The following PEX1 variants were observed in gnomAD, a reference collection of about 807,000 sequenced individuals.
PEX1 encodes peroxisomal ATPase PEX1.
Under a neutral mutation model 152.5 loss-of-function variants are expected in PEX1, and 97 were observed. The ratio of observed to expected loss-of-function variants is 0.64; its 90% CI spans 0.54 to 0.75. The LOEUF is 0.75. PEX1 is among the 30% of genes least tolerant of loss of function. PEX1 has a pLI of 0.00. For synonymous variants in PEX1, 485 were observed against 531.6 expected (o/e 0.91, Z 1.21); for missense variants, 1,357 against 1,516.3 (o/e 0.89, Z 1.74).
At position 92,517,567 on chromosome 7, in the gene PEX1, T is replaced by C. The variant is rs780966702; in HGVS notation, c.948A>G (p.Pro316=). 7.4e-6 allele frequency: 12 copies of C among 1,614,066 alleles called. No homozygotes were observed. The highest frequency in any genetic ancestry group is 1.1e-5 in the South Asian group (1 of 91,074). ...CTACATCAAAATATTCCTGGTCCCA[T>C]GGAAATACATGAATGGCACAGTGTT... is the stretch of plus-strand genomic sequence containing the variant. ...FHKHCAIHVF[P]WDQEYFDVEP... The change falls in exon 5 of 24, where the codon CCA becomes CCG. Residue 316 remains proline (P), a synonymous_variant. Coordinates refer to ENST00000248633, the MANE Select transcript of PEX1 (RefSeq NM_000466.3).
intron 17 of PEX1, 76 bp from the exon 18 acceptor site, chr7:92,494,705 ATGT>A: frequency 5.5e-5 from 64 of 1,167,940 alleles, no homozygotes; most frequent in Non-Finnish European, 7.5e-5. Context: ...ACATATATGA[ATGT>A]ATTTATTTTA....
chr7:92,525,508 C>T (rs1314467861), intron 1 of PEX1, among the ~76,000 whole-genome samples: 2 of 152,182 alleles, frequency 1.3e-5, no homozygotes, highest in South Asian at 4.1e-4. Context: ...TTAGTTGAAG[C>T]GGTGGTTCTC....
chr7:92,511,708 C>G lies in PEX1; in HGVS notation c.1360-5G>C, dbSNP rs2116209932. The G allele has an allele frequency of 1.2e-6, 2 of 1,609,800 alleles. No homozygotes were observed. Among genetic ancestry groups the G allele is most frequent in the Non-Finnish European group, 8.5e-7 (1 of 1,178,036 alleles). Reference sequence around the variant, plus strand: ...TTCTTCACTTATGTCTTTAGGCTGCCAGAAAAAGGAATAGTAATGAATTAT... The same window carrying G: ...TTCTTCACTTATGTCTTTAGGCTGCGAGAAAAAGGAATAGTAATGAATTAT... On this transcript the variant is annotated splice_region_variant and splice_polypyrimidine_tract_variant and intron_variant, in intron 6 of 23. Transcript: ENST00000248633.
chr7:92,515,931 T>C (rs1792719153), intron 5 of PEX1, among the ~76,000 whole-genome samples: 1 of 149,904 alleles, frequency 6.7e-6, no homozygotes. Context: ...GAGGTGGAGG[T>C]TGTAGTGAGT....
At chr7:92,507,225 A>C in intron 9 of PEX1, 99 bp from the exon 10 acceptor site, 1 of 952,444 alleles carries the variant, frequency 1.0e-6, no homozygotes, top group Non-Finnish European at 1.6e-6. Context: ...GTAGTTAATT[A>C]ATTTAATTTA....
intron 16 of PEX1, 101 bp from the exon 17 acceptor site, chr7:92,496,878 T>C: frequency 1.3e-6 from 1 of 767,480 alleles, no homozygotes; most frequent in Non-Finnish European, 2.3e-6. Context: ...TTTAATATGA[T>C]TAAATGGATG....
At chr7:92,528,199 G>A (rs968358237) in intron 1 of PEX1, 108 bp downstream of exon 1, 61 of 1,449,648 alleles carry the variant, frequency 4.2e-5, no homozygotes, top group Admixed American at 8.0e-5. Context: ...ATCTCTGCGC[G>A]CTTCGGCGGC....
At chr7:92,516,068 A>G (rs1449288813) in intron 5 of PEX1, among the ~76,000 whole-genome samples, 191 of 128,036 alleles carry the variant, frequency 1.5e-3, no homozygotes, top group South Asian at 3.2e-3. Context: ...AAGAAAAGAA[A>G]AGAAAAGAAA....
rs1470223598 is a variant in PEX1, at chr7:92,517,440, T to C, written c.1075A>G (p.Lys359Glu). 3 of 1,614,038 alleles carry C rather than the reference T, an allele frequency of 1.9e-6. No individual in the cohort carries two copies. The highest frequency in any genetic ancestry group is 8.5e-7 in the Non-Finnish European group (1 of 1,180,018). ...TGATCTAGTGGCTCTGACATCTGCT[T>C]CTCTTTTTCAGGTGATAACACATTT... ...KQNVLSPEKE[K>E]QMSEPLDQKK... Residue 359 changes from lysine (K) to glutamate (E), a missense_variant, in exon 5 of 24, where the codon AAG becomes GAG. Lys to Glu is a moderately conservative substitution (Grantham distance 56). Coordinates refer to ENST00000248633, the MANE Select transcript of PEX1 (RefSeq NM_000466.3).
At chr7:92,506,366 G>A (rs756542412) in intron 10 of PEX1, 22 bp from the exon 11 acceptor site, 5 of 1,412,530 alleles carry the variant, frequency 3.5e-6, no homozygotes, top group Non-Finnish European at 5.0e-6. Context: ...TTGCTTTATA[G>A]GAATTCCCAA....
At position 92,513,975 on chromosome 7, in the gene PEX1, T is replaced by G. The variant is rs1439218691; in HGVS notation, c.1240-8A>C. On this transcript the variant is annotated splice_polypyrimidine_tract_variant and splice_region_variant and intron_variant, in intron 5 of 23. Transcript: ENST00000248633. ...CCTCAGGTCATCTGGAATCTGAAAT[T>G]TAAAAATAAACAAAAATATAAATAT... 2 of 1,532,632 alleles carry G rather than the reference T, an allele frequency of 1.3e-6. No homozygotes were observed. The highest frequency in any genetic ancestry group is 2.7e-5 in the African/African-American group (2 of 73,140). The allele number at this position is 1,532,632 out of a possible 1,614,324, so 94.9% of individuals were successfully genotyped here.
chr7:92,499,851 A>C lies in PEX1; in HGVS notation c.2584-13T>G, dbSNP rs771813909. ...ATAATTCTGGATACTGAGAAACAAAAAAAAAAAATATGAAAAAGAGCTCAA... is the reference window on the plus strand; with the variant it reads ...ATAATTCTGGATACTGAGAAACAAACAAAAAAAATATGAAAAAGAGCTCAA... On this transcript the variant is annotated splice_polypyrimidine_tract_variant and intron_variant, in intron 15 of 23. Coordinates refer to ENST00000248633, the MANE Select transcript of PEX1 (RefSeq NM_000466.3). 2.5e-6 allele frequency: 4 copies of C among 1,595,858 alleles called. No individual in the cohort carries two copies. Among genetic ancestry groups the C allele is most frequent in the Non-Finnish European group, 3.4e-6 (4 of 1,165,538 alleles).
chr7:92,518,406 T>C lies in PEX1; in HGVS notation c.358-151A>G, dbSNP rs1792904699. On this transcript the variant is annotated intron_variant, in intron 3 of 23. Transcript: ENST00000248633. ...GGTGTTATGAGCTACATATAGATAG[T>C]ATAATGGTTACTATAGTGAAGTAAA... 6 of 644,160 alleles carry C rather than the reference T, an allele frequency of 9.3e-6. No homozygotes were observed. In the South Asian group the frequency reaches 1.1e-4, roughly 12 times the overall value. The allele number at this position is 644,160 out of a possible 1,614,324, so 39.9% of individuals were successfully genotyped here.
chr7:92,511,759 A>G (rs1417097994), intron 6 of PEX1, 56 bp from the exon 7 acceptor site: 6 of 1,512,632 alleles, frequency 4.0e-6, no homozygotes, highest in African/African-American at 1.4e-5. Flanking sequence ...TAACTTTAAC[A>G]CCCTTATTTT....
intron 2 of PEX1, among the ~76,000 whole-genome samples, chr7:92,520,480 T>A (rs530490366): frequency 1.4e-4 from 22 of 152,340 alleles, no homozygotes; most frequent in Admixed American, 3.9e-4. Context: ...CATGGCACTC[T>A]CGTGTATTGT....
At chr7:92,513,635 T>C (rs1370543378) in intron 6 of PEX1, among the ~76,000 whole-genome samples, 1 of 152,178 alleles carries the variant, frequency 6.6e-6, no homozygotes, top group African/African-American at 2.4e-5. Context: ...ATAGTGGTGA[T>C]GGTTGTACAA....
chr7:92,493,262 T>C, intron 19 of PEX1, 133 bp from the exon 20 acceptor site: 3 of 544,196 alleles, frequency 5.5e-6, no homozygotes, highest in South Asian at 6.0e-5. Context: ...TTGAGAAATG[T>C]ACCAACAGCC....
intron 15 of PEX1, among the ~76,000 whole-genome samples, chr7:92,501,210 G>C (rs1212675751): frequency 6.6e-6 from 1 of 152,188 alleles, no homozygotes; most frequent in Non-Finnish European, 1.5e-5. Flanking sequence ...TGTAGTTCTA[G>C]CTACTGGGGA....
Position 92,501,973 on chromosome 7 carries a change from C to G in PEX1, c.2333G>C (p.Gly778Ala). Residue 778 changes from glycine (G) to alanine (A), a missense_variant, in exon 14 of 24, where the codon GGG becomes GCG. Gly to Ala is a moderately conservative substitution (Grantham distance 60). Coordinates refer to ENST00000248633, the MANE Select transcript of PEX1 (RefSeq NM_000466.3). Reference protein sequence around the residue: ...DLQHVAKETGGFVARDFTVLV... With the variant: ...DLQHVAKETGAFVARDFTVLV... Reference sequence around the variant, plus strand: ...TACTGTAAAATCTCTAGCCACAAACCCGCCAGTTTCTTTAGCTACATGCTG... The same window carrying G: ...TACTGTAAAATCTCTAGCCACAAACGCGCCAGTTTCTTTAGCTACATGCTG... 6.2e-7 allele frequency: 1 copy of G among 1,613,820 alleles called. No homozygotes were observed. The highest frequency in any genetic ancestry group is 2.2e-5 in the East Asian group (1 of 44,866).
Sources: gnomAD v4.1 joint callset for allele counts (sites outside exome capture counted in the v4.1 genomes callset) on GRCh38, gnomAD v4.1.1 for gene constraint, MANE v1.5 for transcripts, NCBI Gene and HGNC (gene_info 2026-07-23, HGNC 2026-07-21) for gene names.